Variants in ABI1 observed in about 807,000 individuals in gnomAD.
The protein encoded by ABI1 is Abelson interactor 1.
In ABI1, 14 loss-of-function variants were observed where a neutral mutation model predicts 54.6. The ratio of observed to expected loss-of-function variants is 0.26; its 90% confidence interval spans 0.17 to 0.40. ABI1 has a LOEUF of 0.40. ABI1 is among the 10% of genes least tolerant of loss of function. The pLI, the probability that ABI1 is intolerant of heterozygous loss-of-function variation, is 1.00. For synonymous variants in ABI1, 194 were observed against 209.3 expected, an observed-to-expected ratio of 0.93 and a Z score of 0.63; for missense variants, 443 against 598.3, an observed-to-expected ratio of 0.74 and a Z score of 2.71.
intron 9 of ABI1, among the ~76,000 whole-genome samples, chr10:26,753,495 T>G (rs1477069310): frequency 6.6e-6 from 1 of 152,218 alleles, no homozygotes; most frequent in Non-Finnish European, 1.5e-5. Context: ...TAAATCTACA[T>G]GTCTTATCTT....
intron 1 of ABI1, among the ~76,000 whole-genome samples, chr10:26,841,170 A>C (rs1384390204): frequency 6.6e-6 from 1 of 152,180 alleles, no homozygotes; most frequent in Admixed American, 6.5e-5. Context: ...TACAGGAAAC[A>C]CCTGCCCACT....
At chr10:26,777,304 T>C in intron 2 of ABI1, 63 bp from the exon 3 acceptor site, 2 of 1,324,066 alleles carry the variant, frequency 1.5e-6, no homozygotes, top group Admixed American at 2.3e-5. Flanking sequence ...GCTATCCATA[T>C]ACACTGGACC....
At chr10:26,781,637 A>G (rs1165011007) in intron 2 of ABI1, among the ~76,000 whole-genome samples, 2 of 152,196 alleles carry the variant, frequency 1.3e-5, no homozygotes, top group African/African-American at 4.8e-5. Context: ...AAACCTTGTT[A>G]TATTTTTACT....
At chr10:26,804,829 C>T (rs2133429790) in intron 2 of ABI1, among the ~76,000 whole-genome samples, 1 of 152,232 alleles carries the variant, frequency 6.6e-6, no homozygotes, top group Middle Eastern at 3.4e-3. Context: ...CTTTCCATAT[C>T]CTTATCAAAC....
At chr10:26,772,860 C>G (rs1840865232) in intron 3 of ABI1, among the ~76,000 whole-genome samples, 1 of 151,858 alleles carries the variant, frequency 6.6e-6, no homozygotes, top group African/African-American at 2.4e-5. Flanking sequence ...ACTGCTTGAG[C>G]CCAAGAGTTT....
At chr10:26,761,617 CATATATATATATATATATATATAT>C (rs1164854399) in intron 7 of ABI1, among the ~76,000 whole-genome samples, 26 of 49,836 alleles carry the variant, frequency 5.2e-4, no homozygotes, top group Non-Finnish European at 7.0e-4. Flanking sequence ...TAGTTTTTGT[CATATATATATATATATATATATAT>C]ATATATATAT....
intron 1 of ABI1, among the ~76,000 whole-genome samples, chr10:26,836,942 A>G (rs1201544393): frequency 1.3e-5 from 2 of 152,214 alleles, no homozygotes; most frequent in Non-Finnish European, 1.5e-5. Flanking sequence ...AACAATTTAT[A>G]ATAATACCCC....
chr10:26,858,556 AAAAAAAAC>A (rs2051042325), intron 1 of ABI1, among the ~76,000 whole-genome samples: 1 of 143,884 alleles, frequency 7.0e-6, no homozygotes, highest in African/African-American at 2.6e-5. Flanking sequence ...AAAAAAAAAA[AAAAAAAAC>A]GGGGCCACTG....
At chr10:26,840,260 G>C (rs2049399893) in intron 1 of ABI1, among the ~76,000 whole-genome samples, 1 of 152,070 alleles carries the variant, frequency 6.6e-6, no homozygotes, top group Non-Finnish European at 1.5e-5. Context: ...GTTTAAAAGG[G>C]TCTAGCACCT....
At chr10:26,818,631 C>CAAAAAAAAAAAAAA (rs376157276) in intron 2 of ABI1, among the ~76,000 whole-genome samples, 48 of 73,052 alleles carry the variant, frequency 6.6e-4, no homozygotes, top group African/African-American at 1.8e-3. Context: ...GACCCCGTCA[C>CAAAAAAAAAAAAAA]AAAAAAAAAA....
chr10:26,823,333 C>A, intron 1 of ABI1, 28 bp from the exon 2 acceptor site: 1 of 1,459,290 alleles, frequency 6.9e-7, no homozygotes, highest in Non-Finnish European at 9.1e-7. Context: ...ACAACAAATA[C>A]TTATTTAGAT....
At chr10:26,797,905 G>A (rs1303496694) in intron 2 of ABI1, among the ~76,000 whole-genome samples, 1 of 152,132 alleles carries the variant, frequency 6.6e-6, no homozygotes, top group African/African-American at 2.4e-5. Flanking sequence ...TCTTGTTAAA[G>A]TCATTATTAC....
chr10:26,841,076 G>A lies in ABI1; in HGVS notation c.118-17771C>T, dbSNP rs149229196. On this transcript the variant is annotated intron_variant, in intron 1 of 10. Coordinates refer to ENST00000376140, the MANE Select transcript of ABI1 (RefSeq NM_001012750.3). ...ATCCATTCCTTACATATCATCTATG[G>A]TTTTCTTACTACAATAGCAGAGTTG... 1.3e-3 allele frequency among the ~76,000 whole-genome samples: 199 copies of A among 152,144 alleles called. 2 individuals carry two copies. The highest frequency in any genetic ancestry group is 6.8e-3 in the Middle Eastern group (2 of 294).
intron 7 of ABI1, among the ~76,000 whole-genome samples, chr10:26,763,303 A>T (rs1839473163): frequency 6.6e-6 from 1 of 152,220 alleles, no homozygotes; most frequent in South Asian, 2.1e-4. Flanking sequence ...TTACATTGAC[A>T]TTTAAAATAT....
intron 2 of ABI1, among the ~76,000 whole-genome samples, chr10:26,783,167 C>A (rs1162364589): frequency 3.3e-5 from 5 of 152,056 alleles, no homozygotes; most frequent in South Asian, 2.1e-4. Context: ...TATGGATGAA[C>A]CTTGAGGACA....
At chr10:26,823,420 T>C (rs1264449331) in intron 1 of ABI1, 115 bp from the exon 2 acceptor site, 2 of 831,950 alleles carry the variant, frequency 2.4e-6, no homozygotes, top group African/African-American at 3.6e-5. Context: ...AAAAAAAAAC[T>C]CACTGTACCA....
At chr10:26,844,934 G>C (rs1461793110) in intron 1 of ABI1, among the ~76,000 whole-genome samples, 1 of 152,050 alleles carries the variant, frequency 6.6e-6, no homozygotes, top group East Asian at 1.9e-4. Context: ...TGTCCATCCA[G>C]TCTCTCCCTT....
At chr10:26,819,229 C>T (rs994380788) in intron 2 of ABI1, among the ~76,000 whole-genome samples, 4 of 152,050 alleles carry the variant, frequency 2.6e-5, no homozygotes, top group African/African-American at 9.7e-5. Context: ...AAAAAAAATT[C>T]ACTCCATTAA....
At chr10:26,787,642 C>T (rs552829003) in intron 2 of ABI1, among the ~76,000 whole-genome samples, 4 of 152,108 alleles carry the variant, frequency 2.6e-5, no homozygotes, top group South Asian at 2.1e-4. Context: ...GTTCACCAAG[C>T]GAGAGTTAGC....
Sources: allele counts gnomAD v4.1 joint callset (sites outside exome capture counted in the v4.1 genomes callset), GRCh38; gene constraint gnomAD v4.1.1; transcripts MANE v1.5; gene names NCBI Gene and HGNC (gene_info 2026-07-23, HGNC 2026-07-21).